SYNPO2: variants seen among roughly 807,000 people sequenced by gnomAD.
SYNPO2 encodes synaptopodin-2.
In SYNPO2, 56 loss-of-function variants were observed where a neutral mutation model predicts 85.0. The ratio of observed to expected loss-of-function variants is 0.66; its 90% CI spans 0.53 to 0.82. SYNPO2 has a LOEUF of 0.82. SYNPO2 is among the 40% of genes least tolerant of loss of function. The probability of loss-of-function intolerance (pLI) is 0.00; values close to 1 mark genes in which losing one functional copy is unlikely to be tolerated. For synonymous variants in SYNPO2, 602 were observed against 591.1 expected (o/e 1.02, Z -0.27); for missense variants, 1,575 against 1,534.2 (o/e 1.03, Z -0.44).
chr4:118,913,807 A>G (rs745779483), intron 1 of SYNPO2, among the ~76,000 whole-genome samples: 27 of 152,188 alleles, frequency 1.8e-4, no homozygotes, highest in Admixed American at 3.3e-4. Flanking sequence ...CAGGTTTAAA[A>G]GTCTCTGTCT....
intron 1 of SYNPO2, among the ~76,000 whole-genome samples, chr4:118,985,539 C>A (rs372502454): frequency 6.6e-6 from 1 of 152,208 alleles, no homozygotes; most frequent in Non-Finnish European, 1.5e-5. Flanking sequence ...CAGGAGGATC[C>A]TGTGTCAAGA....
intron 1 of SYNPO2, among the ~76,000 whole-genome samples, chr4:119,002,886 T>G (rs1736876178): frequency 6.6e-6 from 1 of 152,180 alleles, no homozygotes; most frequent in Admixed American, 6.5e-5. Context: ...TATTTTCCTC[T>G]ATTGTATAGG....
intron 1 of SYNPO2, among the ~76,000 whole-genome samples, chr4:118,857,499 C>G (rs901469786): frequency 6.6e-6 from 1 of 152,062 alleles, no homozygotes; most frequent in Non-Finnish European, 1.5e-5. Flanking sequence ...TCAGGAAAAG[C>G]CTTTGATGAA....
intron 4 of SYNPO2, among the ~76,000 whole-genome samples, chr4:119,051,229 G>A (rs1171728620): frequency 9.2e-6 from 1 of 108,734 alleles, no homozygotes; most frequent in East Asian, 3.1e-4. Context: ...TCGCTCTGTC[G>A]CCCAGGCTGG....
At chr4:118,936,526 G>A (rs1012147515) in intron 1 of SYNPO2, among the ~76,000 whole-genome samples, 6 of 151,994 alleles carry the variant, frequency 3.9e-5, no homozygotes, top group South Asian at 2.1e-4. Context: ...GATACTATTC[G>A]TAAACTGAAC....
At chr4:118,944,629 C>CA (rs143224518) in intron 1 of SYNPO2, among the ~76,000 whole-genome samples, 15,687 of 151,558 alleles carry the variant, frequency 0.1, 891 homozygotes, top group East Asian at 0.16. Flanking sequence ...GTAATAATTA[C>CA]AAAAAAAACA....
At position 118,937,835 on chromosome 4, in the gene SYNPO2, C is replaced by T. The variant is rs376584809; in HGVS notation, c.105+48694C>T. ...ATCTGTGGAAGATTGGTTCCAGGAC[C>T]CTGCTTGGATACCAAAATCTAAGGA... On this transcript the variant is annotated intron_variant, in intron 1 of 4. Coordinates refer to ENST00000307142, the MANE Select transcript of SYNPO2 (RefSeq NM_133477.3). Among the ~76,000 whole-genome samples the T allele has an allele frequency of 2.6e-3, 398 of 152,068 alleles. 1 individual carries two copies. Among genetic ancestry groups the T allele is most frequent in the African/African-American group, 9.2e-3 (380 of 41,486 alleles).
At chr4:118,983,833 A>G (rs1253202426) in intron 1 of SYNPO2, among the ~76,000 whole-genome samples, 1 of 152,094 alleles carries the variant, frequency 6.6e-6, no homozygotes, top group East Asian at 1.9e-4. Context: ...TATGTCCTAT[A>G]TCATAGGCAA....
At chr4:119,054,065 AG>A (rs1739133974) in intron 4 of SYNPO2, among the ~76,000 whole-genome samples, 1 of 152,184 alleles carries the variant, frequency 6.6e-6, no homozygotes, top group African/African-American at 2.4e-5. Flanking sequence ...GACTTGCAAC[AG>A]GGGTGCCCTG....
At chr4:119,011,346 T>G (rs1737293903) in intron 1 of SYNPO2, among the ~76,000 whole-genome samples, 1 of 152,182 alleles carries the variant, frequency 6.6e-6, no homozygotes, top group African/African-American at 2.4e-5. Context: ...AGTGATCATT[T>G]TTAAGTTTTA....
At position 118,894,373 on chromosome 4, in the gene SYNPO2, C is replaced by T. The variant is rs749900709; in HGVS notation, c.105+5232C>T. Among the ~76,000 whole-genome samples the T allele has an allele frequency of 3.9e-5, 6 of 151,920 alleles. No homozygotes were observed. In the East Asian group the frequency reaches 7.7e-4, roughly 20 times the overall value. ...AGAATGGATGGGCTGCCTGGGTCAG[C>T]GGGAGTGGGGAAGAGGAGGTATTGG... On this transcript the variant is annotated intron_variant, in intron 1 of 4. Transcript: ENST00000307142.
chr4:118,996,750 G>A (rs983747399), intron 1 of SYNPO2, among the ~76,000 whole-genome samples: 1 of 151,620 alleles, frequency 6.6e-6, no homozygotes, highest in Non-Finnish European at 1.5e-5. Flanking sequence ...CCAGTTACTC[G>A]GGAGGCTGAG....
intron 1 of SYNPO2, among the ~76,000 whole-genome samples, chr4:118,860,758 T>C (rs540962034): frequency 1.9e-4 from 29 of 152,198 alleles, no homozygotes; most frequent in African/African-American, 7.0e-4. Flanking sequence ...AATTTCACCA[T>C]GTTGGTCAGG....
intron 1 of SYNPO2, among the ~76,000 whole-genome samples, chr4:119,014,125 A>G (rs1737435679): frequency 6.6e-6 from 1 of 152,238 alleles, no homozygotes; most frequent in Non-Finnish European, 1.5e-5. Context: ...GAGCTCAGAC[A>G]TTAAAGAGAT....
chr4:118,889,843 A>C (rs984407677), intron 1 of SYNPO2, among the ~76,000 whole-genome samples: 3 of 152,226 alleles, frequency 2.0e-5, no homozygotes, highest in Non-Finnish European at 4.4e-5. Context: ...AAAATGCTTT[A>C]AGTTTTTATT....
chr4:118,996,559 G>A (rs1323778316), intron 1 of SYNPO2, among the ~76,000 whole-genome samples: 3 of 152,026 alleles, frequency 2.0e-5, no homozygotes, highest in African/African-American at 4.8e-5. Context: ...TAAATATAAC[G>A]CAAGATGTAA....
chr4:118,935,735 C>T (rs575358066), intron 1 of SYNPO2, among the ~76,000 whole-genome samples: 19 of 152,354 alleles, frequency 1.2e-4, no homozygotes, highest in African/African-American at 3.6e-4. Context: ...ATAACATAAA[C>T]AGTTGATTAA....
chr4:119,030,598 A>G lies in SYNPO2; in HGVS notation c.1823A>G (p.Asn608Ser), dbSNP rs1347653082. The G allele has an allele frequency of 6.2e-7, 1 of 1,614,004 alleles. No individual in the cohort carries two copies. Among genetic ancestry groups the G allele is most frequent in the East Asian group, 2.2e-5 (1 of 44,856 alleles). The change falls in exon 4 of 5, where the codon AAC becomes AGC. Residue 608 changes from asparagine to serine, a missense_variant. Coordinates refer to ENST00000307142, the MANE Select transcript of SYNPO2 (RefSeq NM_133477.3). Reference sequence around the variant, plus strand: ...GCTACCCCCTTCTCGCCAACCCGAAACATGACGAGTCCCATTGCTGACTTT... The same window carrying G: ...GCTACCCCCTTCTCGCCAACCCGAAGCATGACGAGTCCCATTGCTGACTTT... The part of the protein sequence containing the change: ...QPATPFSPTR[N>S]MTSPIADFPA...
In SYNPO2 at chr4:118,905,465, TGA is replaced by T. The variant is rs993949011; in HGVS notation, c.105+16339_105+16340del. 1.0e-4 allele frequency among the ~76,000 whole-genome samples: 15 copies of T among 150,488 alleles called. No individual in the cohort carries two copies. The South Asian group carries it at 1.0e-3, about 10-fold the overall frequency. Reference sequence around the variant, plus strand: ...GTGCGTGTGTGTGTGTGTGTGTCTGTGAGAGAGAGAGAGAGAACACAGGAAGT... The same window carrying T: ...GTGCGTGTGTGTGTGTGTGTGTCTGTGAGAGAGAGAGAGAACACAGGAAGT... On this transcript the variant is annotated intron_variant, in intron 1 of 4. Coordinates refer to ENST00000307142, the MANE Select transcript of SYNPO2 (RefSeq NM_133477.3).
Sources: allele counts gnomAD v4.1 joint callset (sites outside exome capture counted in the v4.1 genomes callset), GRCh38; gene constraint gnomAD v4.1.1; transcripts MANE v1.5; gene names NCBI Gene and HGNC (gene_info 2026-07-23, HGNC 2026-07-21).